Variants in RTN2 observed in about 807,000 individuals in gnomAD.
RTN2 encodes the protein reticulon 2, also known as reticulon-2.
Under a neutral mutation model 63.7 loss-of-function variants are expected in RTN2, and 36 were observed. The ratio of observed to expected loss-of-function variants is 0.56; its 90% CI spans 0.43 to 0.75. The LOEUF is 0.75. Ranked by LOEUF, RTN2 falls within the 30% of genes least tolerant of loss-of-function variation. The pLI is 0.00. For synonymous variants in RTN2, 312 were observed against 313.0 expected (o/e 1.00, Z 0.03); for missense variants, 673 against 705.1 (o/e 0.95, Z 0.52).
chr19:45,490,566 T>TGC, intron 5 of RTN2, among the ~76,000 whole-genome samples: 1 of 145,398 alleles, frequency 6.9e-6, no homozygotes, highest in Non-Finnish European at 1.5e-5. Context: ...TGTGTGTGTG[T>TGC]GTGTTTTGTT....
At chr19:45,486,022 C>T (rs1349240815) in intron 10 of RTN2, 33 bp downstream of exon 10, 1 of 1,606,094 alleles carries the variant, frequency 6.2e-7, no homozygotes, top group Non-Finnish European at 8.5e-7. Flanking sequence ...CCCCCACTTC[C>T]CCCTCCCATC....
rs776243439 is a variant in RTN2 at position 45,488,863 on chromosome 19, G to A, written c.1365C>T (p.Leu455=). ...QLRHFFLVED[L]VDSLKLALLF... Reference sequence around the variant, plus strand: ...TCCAGGCCACCTTGAGGGAATCCACGAGGTCTTCTACCAGGAAGAAGTGCC... The same window carrying A: ...TCCAGGCCACCTTGAGGGAATCCACAAGGTCTTCTACCAGGAAGAAGTGCC... The change falls in exon 7 of 11, where the codon CTC becomes CTT. Residue 455 remains leucine, a synonymous_variant. Coordinates refer to ENST00000245923, the MANE Select transcript of RTN2 (RefSeq NM_005619.5). The A allele has an allele frequency of 5.6e-6, 9 of 1,602,666 alleles. No homozygotes were observed. The highest frequency in any genetic ancestry group is 2.6e-6 in the Non-Finnish European group (3 of 1,175,592).
chr19:45,495,197 G>A, intron 1 of RTN2, 58 bp from the exon 2 acceptor site: 3 of 1,585,432 alleles, frequency 1.9e-6, no homozygotes, highest in South Asian at 1.1e-5. Context: ...AATCACAGAA[G>A]TGTCCCAGTC....
At chr19:45,489,036 C>G in intron 6 of RTN2, 50 bp from the exon 7 acceptor site, 1 of 1,591,834 alleles carries the variant, frequency 6.3e-7, no homozygotes, top group Non-Finnish European at 8.6e-7. Context: ...CCAGCTCAGA[C>G]TGGTGCAGGG....
chr19:45,485,766 G>C lies in RTN2; in HGVS notation c.1580C>G (p.Thr527Ser). The C allele has an allele frequency of 6.2e-7, 1 of 1,613,992 alleles. No individual in the cohort carries two copies. Residue 527 changes from threonine to serine, a missense_variant, in exon 11 of 11, where the codon ACC becomes AGC. Thr to Ser is a moderately conservative substitution (Grantham distance 58). Coordinates refer to ENST00000245923, the MANE Select transcript of RTN2 (RefSeq NM_005619.5). ...GGCTGCTGCAGAGGCCAGGGCTCCG[G>C]TCCCTGGGATTTTAGCTCGGATCCT... ...KAKIRAKIPG[T>S]GALASAAAAV...
intron 5 of RTN2, among the ~76,000 whole-genome samples, 162 bp from the exon 6 acceptor site, chr19:45,489,715 T>C (rs1167768305): frequency 6.8e-6 from 1 of 146,044 alleles, no homozygotes; most frequent in Non-Finnish European, 1.5e-5. Flanking sequence ...GGTCTCACTC[T>C]GTCACCCAGG....
chr19:45,495,129 C>G lies in RTN2; in HGVS notation c.45G>C (p.Pro15=), dbSNP rs1330017703. ...AATCAGGAGTTGAGGAGGCTGTAGA[C>G]GGAGCTTCTTCTGCGAGAGGGAAAG... ...LPVFAHCKEA[P]STASSTPDST... The change falls in exon 2 of 11, where the codon CCG becomes CCC. Residue 15 remains proline, a synonymous_variant. Transcript: ENST00000245923. The G allele has an allele frequency of 6.2e-7, 1 of 1,614,114 alleles. No homozygotes were observed. Among genetic ancestry groups the G allele is most frequent in the Non-Finnish European group, 8.5e-7 (1 of 1,180,022 alleles).
In RTN2 at chr19:45,494,900, A is replaced by C; in HGVS notation, c.185T>G (p.Leu62Arg). Residue 62 changes from leucine to arginine, a missense_variant, in exon 3 of 11, where the codon CTG (leucine) becomes CGG (arginine). Physicochemically the swap from Leu to Arg is moderately radical, Grantham distance 102 (BLOSUM62 -2). Coordinates refer to ENST00000245923, the MANE Select transcript of RTN2 (RefSeq NM_005619.5). This position sits in a 1 kb window ranked among gnomAD's most constrained non-coding sequence, Gnocchi z 5.3. ...ATCAAAGGCGATGTAGGAGAAGGTC[A>C]GCTCCCGGGGGGTGCCCCAGTCCTG... Reference protein sequence around the residue: ...TSQDWGTPRELTFSYIAFDGV... With the variant: ...TSQDWGTPRERTFSYIAFDGV... 1 of 1,612,304 alleles carries C rather than the reference A, an allele frequency of 6.2e-7. No homozygotes were observed. The highest frequency in any genetic ancestry group is 8.5e-7 in the Non-Finnish European group (1 of 1,179,992).
At chr19:45,490,955 C>T (rs1393168586) in intron 5 of RTN2, among the ~76,000 whole-genome samples, 5 of 148,522 alleles carry the variant, frequency 3.4e-5, no homozygotes, top group Non-Finnish European at 7.4e-5. Flanking sequence ...TGTGCAATCT[C>T]GGCTCACTGC....
Position 45,494,064 on chromosome 19 carries a change from C to A in RTN2, c.814+102G>T. 1 of 1,475,930 alleles carries A rather than the reference C, an allele frequency of 6.8e-7. No individual in the cohort carries two copies. The highest frequency in any genetic ancestry group is 9.1e-7 in the Non-Finnish European group (1 of 1,099,752). 91.4% of individuals were successfully genotyped at this position (1,475,930 alleles called of 1,614,324 possible). On this transcript the variant is annotated intron_variant, in intron 4 of 10. Transcript: ENST00000245923. This position sits in a 1 kb window ranked among gnomAD's most constrained non-coding sequence, Gnocchi z 5.3. Reference sequence around the variant, plus strand: ...TATCACGTCTATCTCTTCCCTTTTCCACTATGTACTGTTCCTTTGCGAGGT... The same window carrying A: ...TATCACGTCTATCTCTTCCCTTTTCAACTATGTACTGTTCCTTTGCGAGGT...
chr19:45,485,867 G>A (rs1968009974), intron 10 of RTN2, 78 bp from the exon 11 acceptor site: 2 of 1,319,948 alleles, frequency 1.5e-6, no homozygotes, highest in Non-Finnish European at 1.1e-6. Flanking sequence ...GGGAAAGCTG[G>A]GTGGGAAACT....
At position 45,494,555 on chromosome 19, in the gene RTN2, T is replaced by C. The variant is rs1020453743; in HGVS notation, c.530A>G (p.Asn177Ser). Reference protein sequence around the residue: ...PLEDEEPQEPNRLETGEAGEE... With the variant: ...PLEDEEPQEPSRLETGEAGEE... ...CCCAGCTTCTCCTGTCTCCAATCTG[T>C]TGGGTTCTTGGGGTTCTTCGTCTTC... The change falls in exon 3 of 11, where the codon AAC becomes AGC. Residue 177 changes from asparagine to serine, a missense_variant. Physicochemically the swap from Asn to Ser is conservative, Grantham distance 46 (BLOSUM62 1). Coordinates refer to ENST00000245923, the MANE Select transcript of RTN2 (RefSeq NM_005619.5). This position sits in a 1 kb window ranked among gnomAD's most constrained non-coding sequence, Gnocchi z 5.3. The C allele has an allele frequency of 4.3e-6, 7 of 1,613,946 alleles. No homozygotes were observed. The Admixed American group carries it at 1.0e-4, about 23-fold the overall frequency.
intron 9 of RTN2, among the ~76,000 whole-genome samples, chr19:45,487,912 C>T (rs1968062084): frequency 7.1e-6 from 1 of 141,642 alleles, no homozygotes; most frequent in African/African-American, 2.7e-5. Flanking sequence ...CACTGCACTC[C>T]AGTCTGGGCA....
Position 45,488,677 on chromosome 19 carries a change from G to C in RTN2, c.1410C>G (p.Phe470Leu). Residue 470 changes from phenylalanine to leucine, a missense_variant, in exon 8 of 11, where the codon TTC becomes TTG. Coordinates refer to ENST00000245923, the MANE Select transcript of RTN2 (RefSeq NM_005619.5). The part of the protein sequence containing the change: ...KLALLFYILT[F>L]VGAIFNGLTL... ...TCAAACCATTGAAGATGGCACCCAC[G>C]AAGGTCAAGATGTAGAAGAGGAGGG... 1 of 1,613,946 alleles carries C rather than the reference G, an allele frequency of 6.2e-7. No homozygotes were observed. The highest frequency in any genetic ancestry group is 8.5e-7 in the Non-Finnish European group (1 of 1,179,924).
chr19:45,493,033 G>A, intron 5 of RTN2, 127 bp downstream of exon 5: 2 of 993,134 alleles, frequency 2.0e-6, no homozygotes, highest in Non-Finnish European at 3.2e-6. Context: ...CGGCCCCCTA[G>A]CCCCAGCCTG....
chr19:45,494,338 G>T lies in RTN2; in HGVS notation c.642C>A (p.Pro214=). ...TPQLSPGSGT[P]QAGTPSPSRS... ...GGGATGGGGACGGAGTACCGGCCTG[G>T]GGTGTCCCAGAGCCCGGACTGAGCT... Residue 214 remains proline, a synonymous_variant, in exon 4 of 11, where the codon CCC becomes CCA. Transcript: ENST00000245923. The surrounding 1 kb of genome is among the most constrained non-coding windows in gnomAD (Gnocchi z 5.3). 1.2e-6 allele frequency: 2 copies of T among 1,614,178 alleles called. No homozygotes were observed. The highest frequency in any genetic ancestry group is 1.7e-6 in the Non-Finnish European group (2 of 1,180,038).
intron 5 of RTN2, 49 bp downstream of exon 5, chr19:45,493,111 C>A (rs765071991): frequency 7.1e-6 from 11 of 1,552,932 alleles, no homozygotes; most frequent in Non-Finnish European, 9.7e-6. Context: ...CGAGTTTGGA[C>A]CCCGTTCCGC....
intron 6 of RTN2, 102 bp from the exon 7 acceptor site, chr19:45,489,088 C>T: frequency 1.5e-6 from 2 of 1,350,906 alleles, no homozygotes; most frequent in Non-Finnish European, 2.0e-6. Flanking sequence ...GGGAGAAGAC[C>T]AGAGTTAGGA....
intron 5 of RTN2, among the ~76,000 whole-genome samples, chr19:45,489,775 C>A (rs1450481889): frequency 6.7e-6 from 1 of 148,362 alleles, no homozygotes; most frequent in Non-Finnish European, 1.5e-5. Flanking sequence ...ATCTCCTGGG[C>A]TCAAGTGATC....
Sources: gnomAD v4.1 joint callset for allele counts (sites outside exome capture counted in the v4.1 genomes callset) on GRCh38, gnomAD v4.1.1 for gene constraint, Gnocchi (gnomAD v3.1) non-coding constraint, MANE v1.5 for transcripts, NCBI Gene and HGNC (gene_info 2026-07-23, HGNC 2026-07-21) for gene names.